MGAT4C: variants seen among roughly 807,000 people sequenced by gnomAD.
MGAT4C encodes MGAT4 family member C, also known as alpha-1,3-mannosyl-glycoprotein 4-beta-N-acetylglucosaminyltransferase C.
In MGAT4C, 19 loss-of-function variants were observed where a neutral mutation model predicts 40.1. The ratio of observed to expected loss-of-function variants is 0.47; its 90% CI spans 0.33 to 0.70. MGAT4C has a LOEUF of 0.70. MGAT4C is among the 30% of genes least tolerant of loss of function. The probability of loss-of-function intolerance (pLI) is 0.02; values close to 1 mark genes in which losing one functional copy is unlikely to be tolerated. For missense variants in MGAT4C, 491 were observed against 563.2 expected, an observed-to-expected ratio of 0.87 and a Z score of 1.30; for synonymous variants, 181 against 187.1, an observed-to-expected ratio of 0.97 and a Z score of 0.27.
intron 2 of MGAT4C, among the ~76,000 whole-genome samples, chr12:86,644,416 A>G (rs1963477964): frequency 6.6e-6 from 1 of 151,756 alleles, no homozygotes; most frequent in Non-Finnish European, 1.5e-5. Context: ...ATCAGAATAA[A>G]TAGAATTTTA....
At chr12:86,702,913 T>C (rs985840063) in intron 2 of MGAT4C, among the ~76,000 whole-genome samples, 1 of 152,220 alleles carries the variant, frequency 6.6e-6, no homozygotes, top group South Asian at 2.1e-4. Context: ...GAAAACCTTC[T>C]AGAAAGAATT....
chr12:86,328,729 A>T (rs929623925), intron 4 of MGAT4C, among the ~76,000 whole-genome samples: 20 of 152,152 alleles, frequency 1.3e-4, no homozygotes, highest in African/African-American at 4.8e-4. Context: ...TTAGATCTTA[A>T]TTATCTTTGA....
rs762928943 is a variant in MGAT4C, at chr12:85,989,399, C to A, written c.147+1G>T. ...AAAGACAATCAACCTCCCAAACTTA[C>A]CAGAACATAGCTATCTTCAATGTAC... is the stretch of plus-strand genomic sequence containing the variant. On this transcript the variant is annotated splice_donor_variant, in intron 3 of 4. Transcript: ENST00000611864. LOFTEE classifies it high-confidence loss of function. 2 of 1,576,040 alleles carry A rather than the reference C, an allele frequency of 1.3e-6. No individual in the cohort carries two copies. Among genetic ancestry groups the A allele is most frequent in the African/African-American group, 1.4e-5 (1 of 73,464 alleles).
intron 2 of MGAT4C, among the ~76,000 whole-genome samples, chr12:86,502,104 A>G (rs1958355541): frequency 6.6e-6 from 1 of 152,168 alleles, no homozygotes; most frequent in Non-Finnish European, 1.5e-5. Flanking sequence ...AGGTAAATGA[A>G]TGAACAGTCT....
chr12:86,547,356 T>G (rs2136392215), intron 2 of MGAT4C, among the ~76,000 whole-genome samples: 1 of 152,176 alleles, frequency 6.6e-6, no homozygotes, highest in Admixed American at 6.5e-5. Context: ...CTCTTCTTTC[T>G]TTATCCTCTT....
intron 2 of MGAT4C, among the ~76,000 whole-genome samples, chr12:86,599,993 CA>C (rs2136458227): frequency 6.6e-6 from 1 of 151,838 alleles, no homozygotes; most frequent in African/African-American, 2.4e-5. Context: ...ACAAAAAAAC[CA>C]GAAACAAAGT....
intron 2 of MGAT4C, among the ~76,000 whole-genome samples, chr12:86,691,953 G>A (rs1950180536): frequency 6.6e-6 from 1 of 152,032 alleles, no homozygotes; most frequent in Non-Finnish European, 1.5e-5. Context: ...TGACAATTAA[G>A]AACTGATAAA....
chr12:86,123,102 T>C (rs1161950493), intron 1 of MGAT4C, among the ~76,000 whole-genome samples: 1 of 152,158 alleles, frequency 6.6e-6, no homozygotes, highest in South Asian at 2.1e-4. Context: ...ATGTGCTGAA[T>C]GCAAAGTGCC....
At position 86,062,225 on chromosome 12, in the gene MGAT4C, C is replaced by T. The variant is rs144827200; in HGVS notation, c.-56-12502G>A. 2.1e-3 allele frequency among the ~76,000 whole-genome samples: 321 copies of T among 152,248 alleles called. 2 individuals carry two copies. In the East Asian group the frequency reaches 0.032, roughly 15 times the overall value. ...TCTGCAGCCACCGCTGGTGATACCC[C>T]GGCAAACACGGTCTGGAATGGCCCT... On this transcript the variant is annotated intron_variant, in intron 1 of 4. Transcript: ENST00000611864.
intron 1 of MGAT4C, among the ~76,000 whole-genome samples, chr12:86,122,783 T>C (rs1204082445): frequency 1.4e-5 from 2 of 139,910 alleles, no homozygotes; most frequent in African/African-American, 5.7e-5. Flanking sequence ...TATGTGTATA[T>C]GTTCGTGTGT....
At chr12:86,811,031 G>GC (rs1486785020) in intron 1 of MGAT4C, among the ~76,000 whole-genome samples, 86 of 43,870 alleles carry the variant, frequency 2.0e-3, no homozygotes, top group Non-Finnish European at 3.1e-3. Context: ...CCTTGTCAAA[G>GC]ATTTTATATT....
In MGAT4C at chr12:86,043,084, G is replaced by A. The variant is rs138539440; in HGVS notation, c.-7+6590C>T. 5.3e-5 allele frequency among the ~76,000 whole-genome samples: 8 copies of A among 152,136 alleles called. No individual in the cohort carries two copies. In the East Asian group the frequency reaches 1.5e-3, roughly 29 times the overall value. On this transcript the variant is annotated intron_variant, in intron 2 of 4. Coordinates refer to ENST00000611864, the MANE Select transcript of MGAT4C (RefSeq NM_001351288.2). ...GGTCATCTTATGTAGTATCTCACAA[G>A]GGTTCTCTGCATTTTCTGAATTTGA...
chr12:86,616,075 C>G (rs968100918), intron 2 of MGAT4C, among the ~76,000 whole-genome samples: 4 of 152,066 alleles, frequency 2.6e-5, no homozygotes, highest in Non-Finnish European at 4.4e-5. Flanking sequence ...CAGAATAGAG[C>G]TATGTACACA....
intron 2 of MGAT4C, among the ~76,000 whole-genome samples, chr12:86,511,539 A>C (rs546237261): frequency 6.6e-6 from 1 of 152,272 alleles, no homozygotes; most frequent in South Asian, 2.1e-4. Context: ...GCATTGTACT[A>C]ATATAAAGAC....
chr12:86,484,292 A>G (rs1221658999), intron 2 of MGAT4C, among the ~76,000 whole-genome samples: 2 of 152,158 alleles, frequency 1.3e-5, no homozygotes, highest in Non-Finnish European at 2.9e-5. Context: ...GAAAAGCTTT[A>G]ACTAACCCCA....
intron 3 of MGAT4C, among the ~76,000 whole-genome samples, chr12:86,416,044 C>T (rs772780241): frequency 1.9e-4 from 29 of 151,848 alleles, no homozygotes; most frequent in Non-Finnish European, 3.7e-4. Flanking sequence ...AAATACATTT[C>T]GAACATTTGT....
At chr12:86,605,313 G>T (rs1034187734) in intron 2 of MGAT4C, among the ~76,000 whole-genome samples, 3 of 151,994 alleles carry the variant, frequency 2.0e-5, no homozygotes, top group African/African-American at 7.2e-5. Context: ...GGAGTTTCAT[G>T]CTGCTCCATG....
At chr12:86,117,961 T>C (rs958429057) in intron 1 of MGAT4C, among the ~76,000 whole-genome samples, 1 of 152,098 alleles carries the variant, frequency 6.6e-6, no homozygotes, top group African/African-American at 2.4e-5. Flanking sequence ...TGATTTTGAC[T>C]TGCATAACTA....
chr12:86,018,407 T>A (rs1426154209), intron 2 of MGAT4C, among the ~76,000 whole-genome samples: 1 of 152,200 alleles, frequency 6.6e-6, no homozygotes, highest in Non-Finnish European at 1.5e-5. Context: ...CAACTCTTCA[T>A]CTGTCTGACA....
Sources: gnomAD v4.1 joint callset for allele counts (sites outside exome capture counted in the v4.1 genomes callset) on GRCh38, gnomAD v4.1.1 for gene constraint, MANE v1.5 for transcripts, NCBI Gene and HGNC (gene_info 2026-07-23, HGNC 2026-07-21) for gene names.